Variants in TMEM132C observed in about 807,000 individuals in gnomAD.
TMEM132C encodes transmembrane protein 132C.
In TMEM132C, 29 loss-of-function variants were observed where a neutral mutation model predicts 61.4. The ratio of observed to expected loss-of-function variants is 0.47; its 90% CI spans 0.35 to 0.64. The LOEUF (loss-of-function observed/expected upper bound fraction) is 0.64, where lower values mean the gene tolerates loss of function less well. Among genes scored for constraint, TMEM132C ranks in the 30% least tolerant of loss-of-function variants. The probability of loss-of-function intolerance (pLI) is 0.00; values close to 1 mark genes in which losing one functional copy is unlikely to be tolerated. For synonymous variants in TMEM132C, 656 were observed against 633.1 expected (o/e 1.04, Z -0.54); for missense variants, 1,408 against 1,476.9 (o/e 0.95, Z 0.76).
rs180976108 is a variant in TMEM132C at position 128,418,878 on chromosome 12, G to A, written c.974+3258G>A. Among the ~76,000 whole-genome samples the A allele has an allele frequency of 8.8e-4, 134 of 152,226 alleles. 1 individual carries two copies. The highest frequency in any genetic ancestry group is 2.0e-3 in the Admixed American group (31 of 15,296). ...GTGTCCGTTAGGAAAAGATGAGCTC[G>A]GTCTGCTTCTCCTGTATTTTTTTAT... On this transcript the variant is annotated intron_variant, in intron 2 of 8. Transcript: ENST00000435159.
intron 1 of TMEM132C, among the ~76,000 whole-genome samples, chr12:128,297,504 G>T (rs1164054678): frequency 1.3e-5 from 2 of 152,158 alleles, no homozygotes; most frequent in African/African-American, 2.4e-5. Context: ...TGACTGTCTT[G>T]CCTTAACTGA....
chr12:128,284,493 A>G (rs28654182), intron 1 of TMEM132C, among the ~76,000 whole-genome samples: 40,446 of 152,156 alleles, frequency 0.27, 6,498 homozygotes, highest in Admixed American at 0.36. Flanking sequence ...ATGTGCTGTG[A>G]CCACCACACT....
chr12:128,537,032 A>C (rs1873556787), intron 2 of TMEM132C, among the ~76,000 whole-genome samples: 1 of 152,166 alleles, frequency 6.6e-6, no homozygotes, highest in African/African-American at 2.4e-5. Flanking sequence ...CCATAGGAGG[A>C]GTCATGAATA....
intron 2 of TMEM132C, among the ~76,000 whole-genome samples, chr12:128,515,971 G>A (rs1367686032): frequency 1.3e-5 from 2 of 152,084 alleles, no homozygotes; most frequent in South Asian, 2.1e-4. Flanking sequence ...CAGGCACGTC[G>A]GGCCCATGTC....
At chr12:128,357,418 C>A (rs113419133) in intron 1 of TMEM132C, among the ~76,000 whole-genome samples, 1 of 152,128 alleles carries the variant, frequency 6.6e-6, no homozygotes, top group Non-Finnish European at 1.5e-5. Flanking sequence ...GAGCCCAGGC[C>A]GGGCACGGTG....
chr12:128,465,498 G>T (rs986989559), intron 2 of TMEM132C, among the ~76,000 whole-genome samples: 1 of 152,136 alleles, frequency 6.6e-6, no homozygotes, highest in Non-Finnish European at 1.5e-5. Context: ...ACCACACCCG[G>T]CCTCTTCATT....
At chr12:128,530,124 T>G (rs1047544428) in intron 2 of TMEM132C, among the ~76,000 whole-genome samples, 1 of 150,412 alleles carries the variant, frequency 6.6e-6, no homozygotes, top group Non-Finnish European at 1.5e-5. Flanking sequence ...GTGGGAAGAG[T>G]GGTGAGATGT....
rs565686800 is a variant in TMEM132C, at chr12:128,497,690, T to G, written c.975-46267T>G. Among the ~76,000 whole-genome samples, 4 of 152,280 alleles carry G rather than the reference T, an allele frequency of 2.6e-5. No individual in the cohort carries two copies. In the South Asian group the frequency reaches 8.3e-4, roughly 32 times the overall value. On this transcript the variant is annotated intron_variant, in intron 2 of 8. Transcript: ENST00000435159. ...CTAAGACCATTGGAAAAGCGCAGTA[T>G]TAGGGTGAGAGTGACCCGATTTTCC...
intron 2 of TMEM132C, among the ~76,000 whole-genome samples, chr12:128,476,217 A>C (rs982294733): frequency 6.6e-6 from 1 of 152,052 alleles, no homozygotes; most frequent in Non-Finnish European, 1.5e-5. Context: ...TTGGAATGAA[A>C]ACAGCAATGT....
chr12:128,401,843 C>T (rs1875169724), intron 1 of TMEM132C, among the ~76,000 whole-genome samples: 1 of 152,220 alleles, frequency 6.6e-6, no homozygotes, highest in Admixed American at 6.5e-5. Context: ...TGGCTGTGAT[C>T]TCTACATGCC....
At chr12:128,653,269 A>AT (rs1344824970) in intron 4 of TMEM132C, among the ~76,000 whole-genome samples, 1 of 131,774 alleles carries the variant, frequency 7.6e-6, no homozygotes, top group African/African-American at 2.8e-5. Flanking sequence ...GGCTGGGAGG[A>AT]GGGGGGGATG....
chr12:128,340,926 CTCTCTCTCTCTCTCTCTCTT>C (rs1393447781), intron 1 of TMEM132C, among the ~76,000 whole-genome samples: 3 of 140,910 alleles, frequency 2.1e-5, no homozygotes, highest in African/African-American at 8.9e-5. Flanking sequence ...TTCTCTCTCT[CTCTCTCTCTCTCTCTCTCTT>C]TCTTTCTTTC....
intron 3 of TMEM132C, among the ~76,000 whole-genome samples, chr12:128,576,681 A>G (rs1242465877): frequency 6.6e-6 from 1 of 152,220 alleles, no homozygotes; most frequent in Non-Finnish European, 1.5e-5. Flanking sequence ...ACATGTGAAA[A>G]TTGAGACAGG....
intron 1 of TMEM132C, among the ~76,000 whole-genome samples, chr12:128,291,959 G>A (rs1015796213): frequency 2.6e-5 from 4 of 152,148 alleles, no homozygotes; most frequent in African/African-American, 9.7e-5. Context: ...GTCCTGGTTT[G>A]CACCCTGCCC....
At chr12:128,427,428 G>GTATATA (rs1251726209) in intron 2 of TMEM132C, among the ~76,000 whole-genome samples, 3 of 129,196 alleles carry the variant, frequency 2.3e-5, no homozygotes, top group Admixed American at 7.7e-5. Flanking sequence ...GTGTGTGTGT[G>GTATATA]TATATATATT....
intron 1 of TMEM132C, among the ~76,000 whole-genome samples, chr12:128,381,874 A>G (rs1302152960): frequency 4.6e-5 from 7 of 152,044 alleles, no homozygotes; most frequent in Non-Finnish European, 1.0e-4. Context: ...CAGTCTAGCA[A>G]CCTCTTAAGA....
At chr12:128,552,972 G>A (rs1043647517) in intron 3 of TMEM132C, among the ~76,000 whole-genome samples, 1 of 152,148 alleles carries the variant, frequency 6.6e-6, no homozygotes, top group African/African-American at 2.4e-5. Context: ...AATGTTAATA[G>A]CAAGAGGCTG....
chr12:128,594,147 T>A (rs1180673545), intron 3 of TMEM132C, among the ~76,000 whole-genome samples: 1 of 151,478 alleles, frequency 6.6e-6, no homozygotes, highest in Non-Finnish European at 1.5e-5. Flanking sequence ...TGAGAATCAT[T>A]TGCTCCTGGG....
At chr12:128,303,379 T>C (rs533129748) in intron 1 of TMEM132C, among the ~76,000 whole-genome samples, 6 of 152,344 alleles carry the variant, frequency 3.9e-5, no homozygotes, top group Admixed American at 1.3e-4. Context: ...GATATTCTGA[T>C]AGTAAAGCAA....
Sources: gnomAD v4.1 joint callset for allele counts (sites outside exome capture counted in the v4.1 genomes callset) on GRCh38, gnomAD v4.1.1 for gene constraint, MANE v1.5 for transcripts, NCBI Gene and HGNC (gene_info 2026-07-23, HGNC 2026-07-21) for gene names.